Variants in THSD7A observed in about 807,000 individuals in gnomAD.
The protein encoded by THSD7A is thrombospondin type-1 domain-containing protein 7A.
In THSD7A, 96 loss-of-function variants were observed where a neutral mutation model predicts 231.3. The ratio of observed to expected loss-of-function variants is 0.41; its 90% CI spans 0.35 to 0.49. The LOEUF is 0.49. Among genes scored for constraint, THSD7A ranks in the 20% least tolerant of loss-of-function variants. THSD7A has a pLI of 0.05. For synonymous variants in THSD7A, 940 were observed against 743.3 expected (o/e 1.26, Z -4.30); for missense variants, 2,290 against 2,070.2 (o/e 1.11, Z -2.06).
intron 1 of THSD7A, among the ~76,000 whole-genome samples, chr7:11,655,802 G>A (rs1782682124): frequency 6.6e-6 from 1 of 151,774 alleles, no homozygotes; most frequent in African/African-American, 2.4e-5. Context: ...ATTCTATTGA[G>A]GTTCACAATT....
chr7:11,379,098 C>G lies in THSD7A; in HGVS notation c.4773G>C (p.Arg1591Ser). 6.2e-7 allele frequency: 1 copy of G among 1,613,448 alleles called. No individual in the cohort carries two copies. Among genetic ancestry groups the G allele is most frequent in the Non-Finnish European group, 8.5e-7 (1 of 1,179,650 alleles). ...QPSSNPAGRGRTWFLQPFGPD... is the reference protein window; with the variant it reads ...QPSSNPAGRGSTWFLQPFGPD... ...GCCCAAATGGCTGTAGAAACCAGGTCCTTCCCCGTCCTGCTGGGTTACTGG... is the reference window on the plus strand; with the variant it reads ...GCCCAAATGGCTGTAGAAACCAGGTGCTTCCCCGTCCTGCTGGGTTACTGG... The change falls in exon 26 of 28, where the codon AGG becomes AGC. Residue 1591 changes from arginine to serine, a missense_variant. By Grantham distance (110) the Arg-to-Ser change is moderately radical (BLOSUM62 -1). Transcript: ENST00000423059.
chr7:11,622,773 C>A (rs985444443), intron 2 of THSD7A, among the ~76,000 whole-genome samples: 1 of 152,056 alleles, frequency 6.6e-6, no homozygotes, highest in Non-Finnish European at 1.5e-5. Context: ...TAGTGAAGGG[C>A]CATGTATTAA....
chr7:11,644,728 A>G (rs1364210230), intron 1 of THSD7A, among the ~76,000 whole-genome samples: 2 of 151,972 alleles, frequency 1.3e-5, no homozygotes, highest in African/African-American at 2.4e-5. Flanking sequence ...AAACACAATA[A>G]TCTATTTTTA....
At chr7:11,732,068 TA>T (rs1323982766) in intron 1 of THSD7A, among the ~76,000 whole-genome samples, 4 of 151,748 alleles carry the variant, frequency 2.6e-5, no homozygotes, top group Admixed American at 6.6e-5. Context: ...CTTAAGGATT[TA>T]AAAAAATGTT....
intron 1 of THSD7A, among the ~76,000 whole-genome samples, chr7:11,722,365 C>T (rs1016620409): frequency 2.6e-5 from 4 of 151,728 alleles, no homozygotes; most frequent in African/African-American, 7.3e-5. Flanking sequence ...AGATGTCACA[C>T]GATTTGTTAC....
chr7:11,549,814 G>A (rs1789549523), intron 4 of THSD7A, among the ~76,000 whole-genome samples: 1 of 152,038 alleles, frequency 6.6e-6, no homozygotes, highest in Admixed American at 6.6e-5. Flanking sequence ...TCTAATATAT[G>A]TTGGGCTTGA....
chr7:11,460,875 A>G lies in THSD7A; in HGVS notation c.2502-110T>C. The G allele has an allele frequency of 7.9e-6, 6 of 755,242 alleles. 1 individual carries two copies. In the South Asian group the frequency reaches 1.0e-4, roughly 13 times the overall value. The allele number at this position is 755,242 out of a possible 1,614,324, so 46.8% of individuals were successfully genotyped here. A position where few individuals can be genotyped will look rare whatever the true frequency, so the allele number is the denominator to read the frequency against. The stretch of plus-strand genomic sequence containing the variant: ...TTGACCACTGCAAACACAGTTATTT[A>G]GCAATGCTCAGTTCTATCTAAATTT... On this transcript the variant is annotated intron_variant, in intron 10 of 27. Coordinates refer to ENST00000423059, the MANE Select transcript of THSD7A (RefSeq NM_015204.3).
intron 11 of THSD7A, among the ~76,000 whole-genome samples, chr7:11,459,959 A>T (rs939301509): frequency 1.3e-5 from 2 of 152,100 alleles, no homozygotes; most frequent in Non-Finnish European, 2.9e-5. Context: ...TATGAGTAAA[A>T]ATAATCATGT....
intron 1 of THSD7A, among the ~76,000 whole-genome samples, chr7:11,777,646 G>C (rs914139554): frequency 6.6e-6 from 1 of 152,154 alleles, no homozygotes; most frequent in Non-Finnish European, 1.5e-5. Context: ...GTTTGTCTAA[G>C]ATAGTCTAAT....
chr7:11,725,400 C>T (rs986644554), intron 1 of THSD7A, among the ~76,000 whole-genome samples: 1 of 151,902 alleles, frequency 6.6e-6, no homozygotes, highest in African/African-American at 2.4e-5. Context: ...AAATAGTTTT[C>T]TGGAATCTTT....
intron 2 of THSD7A, among the ~76,000 whole-genome samples, chr7:11,623,484 G>T (rs1781382528): frequency 6.6e-6 from 1 of 151,880 alleles, no homozygotes; most frequent in African/African-American, 2.4e-5. Flanking sequence ...AGAAAAAATT[G>T]CCATGCCACA....
At chr7:11,713,974 AG>A (rs532399879) in intron 1 of THSD7A, among the ~76,000 whole-genome samples, 242 of 151,468 alleles carry the variant, frequency 1.6e-3, no homozygotes, top group African/African-American at 5.6e-3. Context: ...AGGTAAAGAA[AG>A]GAAAAAACAT....
intron 2 of THSD7A, among the ~76,000 whole-genome samples, chr7:11,631,057 C>A (rs2128357774): frequency 6.6e-6 from 1 of 152,302 alleles, no homozygotes; most frequent in South Asian, 2.1e-4. Flanking sequence ...TTCTGTGATT[C>A]TGGGGTGGGG....
intron 9 of THSD7A, among the ~76,000 whole-genome samples, chr7:11,465,283 T>C (rs1037838175): frequency 1.3e-5 from 2 of 152,084 alleles, no homozygotes; most frequent in African/African-American, 4.8e-5. Flanking sequence ...ATGCTGTGCA[T>C]TAAGGATTAA....
At chr7:11,755,862 A>G (rs1782657426) in intron 1 of THSD7A, among the ~76,000 whole-genome samples, 1 of 152,128 alleles carries the variant, frequency 6.6e-6, no homozygotes, top group African/African-American at 2.4e-5. Context: ...AATAAAGCCA[A>G]AAGGAATTAA....
At chr7:11,801,414 T>C (rs1784272514) in intron 1 of THSD7A, among the ~76,000 whole-genome samples, 1 of 152,140 alleles carries the variant, frequency 6.6e-6, no homozygotes, top group Admixed American at 6.5e-5. Context: ...TGACAAAGCA[T>C]GTGCGAAGTA....
chr7:11,779,062 G>A (rs1783539743), intron 1 of THSD7A, among the ~76,000 whole-genome samples: 3 of 151,906 alleles, frequency 2.0e-5, no homozygotes, highest in Non-Finnish European at 2.9e-5. Flanking sequence ...GTCTCTAATG[G>A]GTTTGAAAAA....
chr7:11,432,503 C>G (rs1784507055), intron 13 of THSD7A, among the ~76,000 whole-genome samples: 1 of 152,082 alleles, frequency 6.6e-6, no homozygotes, highest in African/African-American at 2.4e-5. Context: ...AACAACTATC[C>G]TGACTACTCA....
At chr7:11,722,269 A>C (rs923612709) in intron 1 of THSD7A, among the ~76,000 whole-genome samples, 5 of 151,892 alleles carry the variant, frequency 3.3e-5, no homozygotes, top group Non-Finnish European at 7.4e-5. Context: ...GACTAATGAA[A>C]GTCTACAAGA....
Sources: allele counts gnomAD v4.1 joint callset (sites outside exome capture counted in the v4.1 genomes callset), GRCh38; gene constraint gnomAD v4.1.1; transcripts MANE v1.5; gene names NCBI Gene and HGNC (gene_info 2026-07-23, HGNC 2026-07-21).